CDYL2: variants seen among roughly 807,000 people sequenced by gnomAD.
The protein encoded by CDYL2 is chromodomain Y-like protein 2.
Under a neutral mutation model 49.4 loss-of-function variants are expected in CDYL2, and 23 were observed. The observed-to-expected ratio is 0.47, with a 90% confidence interval of 0.34 to 0.66. The LOEUF is 0.66. Ranked by LOEUF, CDYL2 falls within the 30% of genes least tolerant of loss-of-function variation. CDYL2 has a pLI of 0.01. For missense variants in CDYL2, 678 were observed against 656.4 expected (o/e 1.03, Z -0.36); for synonymous variants, 360 against 268.8 (o/e 1.34, Z -3.32).
intron 1 of CDYL2, among the ~76,000 whole-genome samples, chr16:80,729,858 G>A (rs1330920572): frequency 8.6e-5 from 13 of 151,766 alleles, no homozygotes; most frequent in Admixed American, 4.6e-4. Flanking sequence ...ACTACTGGGT[G>A]CATAACGAAA....
chr16:80,648,515 C>T (rs892496165), intron 2 of CDYL2, among the ~76,000 whole-genome samples: 1 of 151,930 alleles, frequency 6.6e-6, no homozygotes, highest in Non-Finnish European at 1.5e-5. Flanking sequence ...TAAAAAGTCT[C>T]CCAGTAAAGA....
chr16:80,728,124 A>C (rs899437066), intron 1 of CDYL2, among the ~76,000 whole-genome samples: 2 of 152,224 alleles, frequency 1.3e-5, no homozygotes, highest in African/African-American at 4.8e-5. Context: ...AGCTGAGAGA[A>C]GAAGGCTTCA....
At chr16:80,685,939 A>G (rs10747208) in intron 1 of CDYL2, among the ~76,000 whole-genome samples, 66,406 of 152,140 alleles carry the variant, frequency 0.44, 17,197 homozygotes, top group Middle Eastern at 0.61. Context: ...CAGCTCCCCC[A>G]GCTGCAACAC....
At chr16:80,725,715 C>G (rs925246814) in intron 1 of CDYL2, among the ~76,000 whole-genome samples, 7 of 152,224 alleles carry the variant, frequency 4.6e-5, no homozygotes, top group African/African-American at 1.4e-4. Flanking sequence ...TGAAAAAACA[C>G]TTGGCATATT....
intron 1 of CDYL2, among the ~76,000 whole-genome samples, chr16:80,752,377 C>A (rs1906167307): frequency 6.6e-6 from 1 of 151,982 alleles, no homozygotes; most frequent in Non-Finnish European, 1.5e-5. Flanking sequence ...GTGAAAAAAA[C>A]AATTACCAAG....
chr16:80,774,426 T>TCTTCCC (rs1907012585), intron 1 of CDYL2, among the ~76,000 whole-genome samples: 1 of 152,014 alleles, frequency 6.6e-6, no homozygotes, highest in Non-Finnish European at 1.5e-5. Flanking sequence ...AGGAGGTTGA[T>TCTTCCC]CAACAGGTGC....
intron 1 of CDYL2, among the ~76,000 whole-genome samples, chr16:80,707,563 T>A (rs532992666): frequency 6.6e-6 from 1 of 152,362 alleles, no homozygotes; most frequent in East Asian, 1.9e-4. Context: ...TGACTGTAAA[T>A]GCTCCAGTTG....
At chr16:80,780,369 T>C (rs1907222821) in intron 1 of CDYL2, among the ~76,000 whole-genome samples, 1 of 151,044 alleles carries the variant, frequency 6.6e-6, no homozygotes, top group Non-Finnish European at 1.5e-5. Flanking sequence ...AGGCTGTACA[T>C]GAGGAAAATG....
At chr16:80,655,978 G>C (rs1471575179) in intron 2 of CDYL2, among the ~76,000 whole-genome samples, 1 of 152,194 alleles carries the variant, frequency 6.6e-6, no homozygotes, top group Non-Finnish European at 1.5e-5. Flanking sequence ...TGCAGTCAGA[G>C]GACATGGAAA....
intron 4 of CDYL2, among the ~76,000 whole-genome samples, chr16:80,613,387 T>G (rs1326126324): frequency 6.6e-6 from 1 of 152,154 alleles, no homozygotes; most frequent in East Asian, 1.9e-4. Flanking sequence ...GTAGAGGGAC[T>G]TCAAGCTTCA....
intron 1 of CDYL2, among the ~76,000 whole-genome samples, chr16:80,699,785 T>C (rs776640560): frequency 3.3e-5 from 5 of 152,214 alleles, no homozygotes; most frequent in Non-Finnish European, 7.3e-5. Flanking sequence ...TCCATAAATA[T>C]GTATAATTAT....
At chr16:80,606,014 C>G (rs570744228) in intron 6 of CDYL2, among the ~76,000 whole-genome samples, 1 of 152,248 alleles carries the variant, frequency 6.6e-6, no homozygotes, top group Admixed American at 6.5e-5. Context: ...GCAGACGTTA[C>G]AGCCAGAAGT....
intron 1 of CDYL2, among the ~76,000 whole-genome samples, chr16:80,710,259 T>C (rs1904550389): frequency 6.6e-6 from 1 of 152,204 alleles, no homozygotes; most frequent in African/African-American, 2.4e-5. Context: ...GCTCAAGTCA[T>C]ATTATAGCAG....
At chr16:80,662,254 T>C (rs1909077091) in intron 2 of CDYL2, among the ~76,000 whole-genome samples, 5 of 152,198 alleles carry the variant, frequency 3.3e-5, no homozygotes, top group Admixed American at 3.3e-4. Context: ...GTGAGTGCTA[T>C]GAATTTTCCT....
intron 1 of CDYL2, among the ~76,000 whole-genome samples, chr16:80,702,583 C>G (rs1000856193): frequency 1.3e-5 from 2 of 152,074 alleles, no homozygotes; most frequent in African/African-American, 2.4e-5. Flanking sequence ...CAACCCATCT[C>G]TACAAAAAAT....
intron 1 of CDYL2, among the ~76,000 whole-genome samples, chr16:80,749,136 T>C (rs892275849): frequency 6.8e-6 from 1 of 147,022 alleles, no homozygotes; most frequent in Non-Finnish European, 1.5e-5. Context: ...TTATGGGAGA[T>C]TGTTGTGTGT....
chr16:80,770,547 T>C (rs1464559062), intron 1 of CDYL2, among the ~76,000 whole-genome samples: 1 of 152,074 alleles, frequency 6.6e-6, no homozygotes, highest in African/African-American at 2.4e-5. Context: ...ATATTTTTCC[T>C]GCCCACAAAA....
intron 1 of CDYL2, among the ~76,000 whole-genome samples, chr16:80,759,874 G>A (rs775985823): frequency 1.5e-5 from 2 of 137,800 alleles, no homozygotes; most frequent in Admixed American, 7.0e-5. Context: ...GAAAGAGCTT[G>A]AACTGTATTT....
At chr16:80,765,071 A>G (rs1906670847) in intron 1 of CDYL2, among the ~76,000 whole-genome samples, 1 of 147,758 alleles carries the variant, frequency 6.8e-6, no homozygotes, top group South Asian at 2.1e-4. Flanking sequence ...AAAAAAAAAA[A>G]AAAAGAATTT....
Sources: gnomAD v4.1 joint callset for allele counts (sites outside exome capture counted in the v4.1 genomes callset) on GRCh38, gnomAD v4.1.1 for gene constraint, MANE v1.5 for transcripts, NCBI Gene and HGNC (gene_info 2026-07-23, HGNC 2026-07-21) for gene names.